Variants in AKR1C2 observed in about 807,000 individuals in gnomAD.
AKR1C2 encodes 3-alpha-HSD3.
Under a neutral mutation model 39.8 loss-of-function variants are expected in AKR1C2, and 27 were observed. The observed-to-expected ratio is 0.68, with a 90% confidence interval of 0.50 to 0.93. AKR1C2 has a LOEUF of 0.93. Among genes scored for constraint, AKR1C2 ranks in the 40% least tolerant of loss-of-function variants. AKR1C2 has a pLI of 0.00. For missense variants in AKR1C2, 263 were observed against 365.1 expected, an observed-to-expected ratio of 0.72 and a Z score of 2.28; for synonymous variants, 114 against 137.9, an observed-to-expected ratio of 0.83 and a Z score of 1.22.
upstream of AKR1C2, among the ~76,000 whole-genome samples, chr10:5,006,818 C>T (rs1288367671): frequency 1.5e-4 from 22 of 151,018 alleles, no homozygotes; most frequent in African/African-American, 2.7e-4. Context: ...GCACTGTCAC[C>T]AGGCTGGAGT....
intron 1 of AKR1C2, chr10:5,010,713 G>A (rs1242787757): frequency 6.6e-6 from 1 of 152,142 alleles, no homozygotes; most frequent in Non-Finnish European, 1.5e-5. Context: ...AGCTTTTATA[G>A]CAAAATTCAT....
At position 4,994,209 on chromosome 10, in the gene AKR1C2, T is replaced by C. The variant is rs572147744; in HGVS notation, c.846+1110A>G. Among the ~76,000 whole-genome samples, 8 of 152,076 alleles carry C rather than the reference T, an allele frequency of 5.3e-5. No homozygotes were observed. In the South Asian group the frequency reaches 1.2e-3, roughly 24 times the overall value. On this transcript the variant is annotated intron_variant, in intron 7 of 8. Transcript: ENST00000380753. ...AGAAAACATACACATATGTATGTAT[T>C]CTGGATGTTAATTCTTTAGAGACTT...
chr10:4,994,813 T>C (rs1415217088), intron 7 of AKR1C2, among the ~76,000 whole-genome samples: 5 of 145,110 alleles, frequency 3.4e-5, no homozygotes, highest in African/African-American at 1.0e-4. Context: ...CTATATTAAG[T>C]GGGTTTGTCT....
intron 5 of AKR1C2, chr10:4,996,084 C>T (rs1209225756): frequency 1.1e-4 from 73 of 691,462 alleles, no homozygotes; most frequent in Admixed American, 2.8e-4. Context: ...TGAACCCTAT[C>T]CTGGTTTCTC....
chr10:5,000,621 C>G lies in AKR1C2; in HGVS notation c.298G>C (p.Glu100Gln). ...AATTGAAGATTTTTCAGTGACCTTT[C>G]CAAGGCTGGTCGGACCAACTCTGGT... ...HRPELVRPALERSLKNLQLDY... is the reference protein window; with the variant it reads ...HRPELVRPALQRSLKNLQLDY... The change falls in exon 3 of 9, where the codon GAA (glutamate) becomes CAA (glutamine). Residue 100 changes from glutamate (E) to glutamine (Q), a missense_variant. Glu to Gln is a conservative substitution (Grantham distance 29). Around this residue, in one of 3 missense-constraint regions of AKR1C2, gnomAD observed 247 missense variants for 267.9 expected, o/e 0.92. Transcript: ENST00000380753. 1 of 1,614,006 alleles carries G rather than the reference C, an allele frequency of 6.2e-7. No individual in the cohort carries two copies. Among genetic ancestry groups the G allele is most frequent in the Non-Finnish European group, 8.5e-7 (1 of 1,179,920 alleles).
intron 2 of AKR1C2, among the ~76,000 whole-genome samples, chr10:5,000,904 AGTT>A (rs1365710283): frequency 1.3e-5 from 2 of 152,342 alleles, no homozygotes; most frequent in Non-Finnish European, 2.9e-5. Flanking sequence ...AAAAGGTAAA[AGTT>A]GTTATCAAAT....
At chr10:5,006,851 T>C (rs1184677699), upstream of AKR1C2, among the ~76,000 whole-genome samples, 1 of 151,750 alleles carries the variant, frequency 6.6e-6, no homozygotes, top group Admixed American at 6.6e-5. Flanking sequence ...CTCAGCTCAC[T>C]GCAATCTCTT....
At chr10:4,993,458 T>A (rs1196747963) in intron 7 of AKR1C2, among the ~76,000 whole-genome samples, 1 of 152,158 alleles carries the variant, frequency 6.6e-6, no homozygotes, top group African/African-American at 2.4e-5. Context: ...ATTTGGATCC[T>A]TATTTCACAT....
intron 6 of AKR1C2, 25 bp downstream of exon 6, chr10:4,995,731 G>A: frequency 1.3e-6 from 2 of 1,598,290 alleles, no homozygotes; most frequent in Non-Finnish European, 8.5e-7. Context: ...AGTGTTTTAG[G>A]TAAACTTCCT....
Position 4,989,725 on chromosome 10 carries a change from A to T in AKR1C2, c.*271T>A. The T allele has an allele frequency of 3.8e-6, 2 of 521,366 alleles. No individual in the cohort carries two copies. Among genetic ancestry groups the T allele is most frequent in the Non-Finnish European group, 6.8e-6 (2 of 295,182 alleles). The allele number at this position is 521,366 out of a possible 1,614,324, so 32.3% of individuals were successfully genotyped here. ...TATAGGCAAATCACAATTTGGGGGC[A>T]CTAGTGTGTCAGAAGGAGAGAAAAC... is the stretch of plus-strand genomic sequence containing the variant. On this transcript the variant is annotated 3_prime_UTR_variant, in exon 9 of 9. Transcript: ENST00000380753.
chr10:4,995,797 C>A lies in AKR1C2; in HGVS notation c.639G>T (p.Leu213=), dbSNP rs1837013008. The change falls in exon 6 of 9, where the codon CTG becomes CTT. Residue 213 remains leucine (L), a synonymous_variant. Coordinates refer to ENST00000380753, the MANE Select transcript of AKR1C2 (RefSeq NM_001393392.1). ...LDFCKSKDIV[L]VAYSALGSHR... ...GGGATCCCAGAGCACTATAGGCAAC[C>A]AGAACAATGTCTTTTGACTTGCAGA... The A allele has an allele frequency of 1.2e-6, 2 of 1,612,424 alleles. No individual in the cohort carries two copies. Among genetic ancestry groups the A allele is most frequent in the Non-Finnish European group, 1.7e-6 (2 of 1,179,546 alleles).
chr10:5,003,798 C>A lies in AKR1C2; in HGVS notation c.38G>T (p.Gly13Val). 6.2e-7 allele frequency: 1 copy of A among 1,614,092 alleles called. No homozygotes were observed. Among genetic ancestry groups the A allele is most frequent in the Non-Finnish European group, 8.5e-7 (1 of 1,179,980 alleles). Residue 13 changes from glycine to valine, a missense_variant, in exon 1 of 9, where the codon GGT (glycine) becomes GTT (valine). Coordinates refer to ENST00000380753, the MANE Select transcript of AKR1C2 (RefSeq NM_001393392.1). The stretch of plus-strand genomic sequence containing the variant: ...AAATCCCAGGACAGGCATGAAGTGA[C>A]CATCATTCAGCTTCACACACTGGTA... ...SKYQCVKLND[G>V]HFMPVLGFGT...
At chr10:5,010,140 C>A (rs1219970080) in intron 1 of AKR1C2, among the ~76,000 whole-genome samples, 1 of 145,752 alleles carries the variant, frequency 6.9e-6, no homozygotes, top group Non-Finnish European at 1.5e-5. Context: ...CTGCAGATGG[C>A]AAAGCTGAAA....
At chr10:5,008,324 T>C (rs1417434398), upstream of AKR1C2, among the ~76,000 whole-genome samples, 3 of 151,074 alleles carry the variant, frequency 2.0e-5, no homozygotes, top group African/African-American at 7.3e-5. Context: ...GTCTGAAATC[T>C]AGGTGGCAAG....
intron 5 of AKR1C2, chr10:4,997,160 C>T (rs1438144876): frequency 6.6e-6 from 1 of 152,348 alleles, no homozygotes; most frequent in Non-Finnish European, 1.5e-5. Context: ...TTGAAAAACA[C>T]AGCATGATAA....
chr10:5,016,975 T>A (rs1359682994), intron 1 of AKR1C2, among the ~76,000 whole-genome samples: 1 of 152,242 alleles, frequency 6.6e-6, no homozygotes, highest in Non-Finnish European at 1.5e-5. Context: ...GAGGCCCTTT[T>A]AGCCATGGCT....
At chr10:5,013,016 C>T (rs1554775036) in intron 1 of AKR1C2, among the ~76,000 whole-genome samples, 2 of 152,286 alleles carry the variant, frequency 1.3e-5, no homozygotes, top group African/African-American at 4.8e-5. Context: ...GAATGAACCT[C>T]TATTCAGGCT....
Position 4,989,544 on chromosome 10 carries a change from C to T in AKR1C2, c.*452G>A, listed in dbSNP as rs1836766117. 6.0e-6 allele frequency: 1 copy of T among 165,656 alleles called. No individual in the cohort carries two copies. The highest frequency in any genetic ancestry group is 1.3e-5 in the Non-Finnish European group (1 of 78,508). The allele number at this position is 165,656 out of a possible 1,614,324, so 10.3% of individuals were successfully genotyped here. On this transcript the variant is annotated 3_prime_UTR_variant, in exon 9 of 9. Transcript: ENST00000380753. The stretch of plus-strand genomic sequence containing the variant: ...TCAATATCGCTCATCCTCTAGACTC[C>T]ATCCTGCGTGTGCTTCTTCCTACAA...
At chr10:4,993,066 A>G (rs1836897903) in intron 7 of AKR1C2, among the ~76,000 whole-genome samples, 2 of 152,242 alleles carry the variant, frequency 1.3e-5, no homozygotes, top group African/African-American at 2.4e-5. Context: ...GGAAATCTCA[A>G]TATTGTCAAA....
Sources: allele counts gnomAD v4.1 joint callset (sites outside exome capture counted in the v4.1 genomes callset), GRCh38; gene constraint gnomAD v4.1.1; regional missense constraint gnomAD v4.1.1; transcripts MANE v1.5; gene names NCBI Gene and HGNC (gene_info 2026-07-23, HGNC 2026-07-21).